TFAP2B: variants seen among roughly 807,000 people sequenced by gnomAD.
TFAP2B encodes the protein transcription factor AP-2-beta.
TFAP2B carries 9 observed loss-of-function variants against 44.3 expected under a neutral mutation model. The ratio of observed to expected loss-of-function variants is 0.20; its 90% CI spans 0.12 to 0.35. The LOEUF (loss-of-function observed/expected upper bound fraction) is 0.35, where lower values mean the gene tolerates loss of function less well. Among genes scored for constraint, TFAP2B ranks in the 10% least tolerant of loss-of-function variants. TFAP2B has a pLI of 1.00. For synonymous variants in TFAP2B, 270 were observed against 263.8 expected, an observed-to-expected ratio of 1.02 and a Z score of -0.23; for missense variants, 509 against 600.0, an observed-to-expected ratio of 0.85 and a Z score of 1.59.
At chr6:50,818,625 A>G, upstream of TFAP2B, 2 of 458,018 alleles carry the variant, frequency 4.4e-6, no homozygotes, top group South Asian at 5.6e-5. Flanking sequence ...AGGTGCTTAT[A>G]TAACTATATG....
At chr6:50,837,320 C>T (rs1762642646) in intron 4 of TFAP2B, among the ~76,000 whole-genome samples, 1 of 152,134 alleles carries the variant, frequency 6.6e-6, no homozygotes, top group African/African-American at 2.4e-5. Flanking sequence ...GTGCTTTGAG[C>T]CTCAGAGTGT....
At chr6:50,820,297 A>G (rs1406309929) in intron 1 of TFAP2B, among the ~76,000 whole-genome samples, 2 of 152,214 alleles carry the variant, frequency 1.3e-5, no homozygotes, top group Non-Finnish European at 2.9e-5. Flanking sequence ...CGAAGATCCT[A>G]AGAGTGGGCG....
intron 2 of TFAP2B, among the ~76,000 whole-genome samples, chr6:50,824,161 T>C (rs1770439911): frequency 6.6e-6 from 1 of 152,248 alleles, no homozygotes; most frequent in African/African-American, 2.4e-5. Flanking sequence ...AGGCGAATGC[T>C]TTTGTCCTGC....
At position 50,836,042 on chromosome 6, in the gene TFAP2B, A is replaced by G. The variant is rs1561964035; in HGVS notation, c.602-19A>G. Reference sequence around the variant, plus strand: ...TCGAAACTTGGTCACCTTTATGGCAATTTTTTCTCTCTTTCTAGTTCCAGT... The same window carrying G: ...TCGAAACTTGGTCACCTTTATGGCAGTTTTTTCTCTCTTTCTAGTTCCAGT... On this transcript the variant is annotated intron_variant, in intron 3 of 6. Coordinates refer to ENST00000393655, the MANE Select transcript of TFAP2B (RefSeq NM_003221.4). 1.2e-6 allele frequency: 2 copies of G among 1,609,274 alleles called. No homozygotes were observed. Among genetic ancestry groups the G allele is most frequent in the Non-Finnish European group, 1.7e-6 (2 of 1,175,722 alleles).
chr6:50,837,121 C>A (rs1762638997), intron 4 of TFAP2B, among the ~76,000 whole-genome samples: 1 of 152,206 alleles, frequency 6.6e-6, no homozygotes, highest in Non-Finnish European at 1.5e-5. Flanking sequence ...CAGTCCTTTT[C>A]TTTCCTAAAA....
Position 50,827,459 on chromosome 6 carries a change from C to T in TFAP2B, c.541-1160C>T, listed in dbSNP as rs549925049. Among the ~76,000 whole-genome samples the T allele has an allele frequency of 8.5e-5, 13 of 152,250 alleles. No homozygotes were observed. The South Asian group carries it at 2.1e-3, about 24-fold the overall frequency. On this transcript the variant is annotated intron_variant, in intron 2 of 6. Transcript: ENST00000393655. ...GAAACAAATTAACATGCCCCCTGTA[C>T]GATTAGATCATCTCATTTCTAAAGT...
At position 50,826,571 on chromosome 6, in the gene TFAP2B, G is replaced by GCC. The variant is rs1770512266; in HGVS notation, c.541-2047_541-2046insCC. On this transcript the variant is annotated intron_variant, in intron 2 of 6. Coordinates refer to ENST00000393655, the MANE Select transcript of TFAP2B (RefSeq NM_003221.4). ...CATTTCACCCATTGTGCATGAGCGC[G>GCC]CGCGCGCGCGCGCGCGTGTGTGTGT... is the stretch of plus-strand genomic sequence containing the variant. Among the ~76,000 whole-genome samples the GCC allele has an allele frequency of 2.1e-5, 3 of 140,734 alleles. No individual in the cohort carries two copies. In the South Asian group the frequency reaches 7.1e-4, roughly 33 times the overall value. The allele number at this position is 140,734 out of a possible 152,430, so 92.3% of individuals were successfully genotyped here. A position where few individuals can be genotyped will look rare whatever the true frequency, so the allele number is the denominator to read the frequency against.
intron 6 of TFAP2B, among the ~76,000 whole-genome samples, chr6:50,841,985 C>A (rs1179795294): frequency 1.3e-5 from 2 of 152,230 alleles, no homozygotes; most frequent in Admixed American, 1.3e-4. Context: ...CCCCAGGATT[C>A]TTTGAGTCCA....
At chr6:50,838,963 T>C (rs748965169) in intron 5 of TFAP2B, among the ~76,000 whole-genome samples, 15 of 152,176 alleles carry the variant, frequency 9.9e-5, no homozygotes, top group Non-Finnish European at 1.8e-4. Context: ...TTTTAGAAGA[T>C]GGAATATTAA....
chr6:50,833,880 G>A (rs1011132450), intron 3 of TFAP2B, among the ~76,000 whole-genome samples: 6 of 152,052 alleles, frequency 3.9e-5, no homozygotes, highest in African/African-American at 1.2e-4. Context: ...GGAGTTGGTT[G>A]TTATTTAAAA....
chr6:50,838,700 G>T (rs572635479), intron 5 of TFAP2B, among the ~76,000 whole-genome samples: 1 of 152,230 alleles, frequency 6.6e-6, no homozygotes, highest in South Asian at 2.1e-4. Flanking sequence ...GGTGATAATT[G>T]CAATAAGCAC....
intron 3 of TFAP2B, among the ~76,000 whole-genome samples, chr6:50,831,470 T>G (rs548266900): frequency 6.6e-6 from 1 of 150,938 alleles, no homozygotes; most frequent in South Asian, 2.1e-4. Context: ...GCGGGGGGAG[T>G]AATGAAAGGT....
chr6:50,818,679 A>G (rs891001771), upstream of TFAP2B: 12 of 578,074 alleles, frequency 2.1e-5, no homozygotes, highest in Admixed American at 3.3e-4. Flanking sequence ...TTTATAGTAT[A>G]TATGTCTGTG....
intron 1 of TFAP2B, among the ~76,000 whole-genome samples, chr6:50,820,992 C>G (rs1770327974): frequency 6.6e-6 from 1 of 151,980 alleles, no homozygotes; most frequent in Non-Finnish European, 1.5e-5. Flanking sequence ...ACAGGTGGTC[C>G]TATCTGCCTA....
intron 1 of TFAP2B, 132 bp from the exon 2 acceptor site, chr6:50,823,275 A>G: frequency 2.4e-6 from 2 of 837,080 alleles, no homozygotes; most frequent in Non-Finnish European, 2.0e-6. Flanking sequence ...AAGAGCGTAC[A>G]AAAGCCGGGC....
intron 2 of TFAP2B, among the ~76,000 whole-genome samples, chr6:50,827,021 G>C (rs1254160408): frequency 6.6e-6 from 1 of 152,158 alleles, no homozygotes; most frequent in South Asian, 2.1e-4. Flanking sequence ...GCCGTAATTA[G>C]ATAGAAAATC....
chr6:50,821,901 G>C (rs928690556), intron 1 of TFAP2B: 1 of 295,202 alleles, frequency 3.4e-6, no homozygotes, highest in Admixed American at 4.6e-5. Flanking sequence ...CAGAAGAAAA[G>C]AGGCCAAAAA....
In TFAP2B at chr6:50,828,683, T is replaced by A; in HGVS notation, c.601+4T>A. Reference sequence around the variant, plus strand: ...GACCAGTCTGTCATTAAAAAAGGTATGGATAATTCCCCCCAAAAAGTAAGC... The same window carrying A: ...GACCAGTCTGTCATTAAAAAAGGTAAGGATAATTCCCCCCAAAAAGTAAGC... On this transcript the variant is annotated splice_donor_region_variant and intron_variant, in intron 3 of 6. Transcript: ENST00000393655. 1 of 1,614,042 alleles carries A rather than the reference T, an allele frequency of 6.2e-7. No homozygotes were observed.
At chr6:50,839,829 A>G (rs897433968) in intron 5 of TFAP2B, among the ~76,000 whole-genome samples, 7 of 152,200 alleles carry the variant, frequency 4.6e-5, no homozygotes, top group African/African-American at 1.7e-4. Flanking sequence ...ATCTGGCTTA[A>G]ATGTCCAGCC....
Sources: gnomAD v4.1 joint callset for allele counts (sites outside exome capture counted in the v4.1 genomes callset) on GRCh38, gnomAD v4.1.1 for gene constraint, MANE v1.5 for transcripts, NCBI Gene and HGNC (gene_info 2026-07-23, HGNC 2026-07-21) for gene names.